PISD: variants seen among roughly 807,000 people sequenced by gnomAD.
PISD encodes phosphatidylserine decarboxylase.
PISD carries 31 observed loss-of-function variants against 43.5 expected under a neutral mutation model. That is an observed-to-expected ratio of 0.71 (90% CI 0.54 to 0.96). PISD has a LOEUF of 0.96. Among genes scored for constraint, PISD ranks in the 40% least tolerant of loss-of-function variants. The probability of loss-of-function intolerance (pLI) is 0.00; values close to 1 mark genes in which losing one functional copy is unlikely to be tolerated. For missense variants in PISD, 523 were observed against 548.4 expected (o/e 0.95, Z 0.46); for synonymous variants, 259 against 228.7 (o/e 1.13, Z -1.20).
At position 31,619,618 on chromosome 22, in the gene PISD, C is replaced by T. The variant is rs759165897; in HGVS notation, c.1224G>A (p.Ser408=). Residue 408 remains serine (S), a synonymous_variant, in exon 8 of 8, where the codon TCG becomes TCA. Coordinates refer to ENST00000439502, the MANE Select transcript of PISD (RefSeq NM_001326411.2). ...CATAATCAGGAAAGAGACTCTAGAG[C>T]GAGCCCAGGGCTTCCCCAAAGCGGA... The part of the protein sequence containing the change: ...QKIRFGEALG[S]L 9.3e-6 allele frequency: 15 copies of T among 1,612,706 alleles called. No homozygotes were observed. Among genetic ancestry groups the T allele is most frequent in the Middle Eastern group, 3.3e-4 (2 of 6,062 alleles).
At chr22:31,655,439 C>T (rs751594927) in intron 1 of PISD, among the ~76,000 whole-genome samples, 2 of 152,074 alleles carry the variant, frequency 1.3e-5, no homozygotes, top group South Asian at 2.1e-4. Context: ...CCTCAGCCTC[C>T]TGAGTAGCTA....
At chr22:31,656,306 T>C (rs529155215) in intron 1 of PISD, among the ~76,000 whole-genome samples, 1 of 151,906 alleles carries the variant, frequency 6.6e-6, no homozygotes, top group African/African-American at 2.4e-5. Flanking sequence ...ATCACACCAC[T>C]GCACTCCAGC....
At chr22:31,625,481 C>A in intron 3 of PISD, 1 of 558,820 alleles carries the variant, frequency 1.8e-6, no homozygotes, top group Admixed American at 3.1e-5. Flanking sequence ...GAGCAGGGGG[C>A]CTGGGAGCAC....
intron 3 of PISD, among the ~76,000 whole-genome samples, chr22:31,640,882 T>TTTTTTTTTTTTTG (rs1569488849): frequency 4.0e-5 from 2 of 50,130 alleles, no homozygotes; most frequent in East Asian, 7.6e-4. Flanking sequence ...CACCCGGTGT[T>TTTTTTTTTTTTTG]TTTTTTTTTT....
chr22:31,621,396 G>C lies in PISD; in HGVS notation c.635C>G (p.Thr212Ser), dbSNP rs1299255692. The C allele has an allele frequency of 6.2e-7, 1 of 1,614,098 alleles. No individual in the cohort carries two copies. Among genetic ancestry groups the C allele is most frequent in the South Asian group, 1.1e-5 (1 of 91,088 alleles). Residue 212 changes from threonine to serine, a missense_variant, in exon 5 of 8, where the codon ACC (threonine) becomes AGC (serine). By Grantham distance (58) the Thr-to-Ser change is moderately conservative. Transcript: ENST00000439502. ...GCCCAGGAACGACTCCAGGGAGTAGGTGACCCCCTTTACCTGCTCCACCTC... is the reference window on the plus strand; with the variant it reads ...GCCCAGGAACGACTCCAGGGAGTAGCTGACCCCCTTTACCTGCTCCACCTC... ...NCEVEQVKGV[T>S]YSLESFLGPR...
At position 31,619,722 on chromosome 22, in the gene PISD, ACTCGCCCAGGTG is replaced by A; in HGVS notation, c.1108_1119del (p.His370_Glu373del). 6.2e-7 allele frequency: 1 copy of A among 1,614,014 alleles called. No individual in the cohort carries two copies. Among genetic ancestry groups the A allele is most frequent in the Non-Finnish European group, 8.5e-7 (1 of 1,179,980 alleles). On this transcript the variant is annotated inframe_deletion, in exon 8 of 8. Transcript: ENST00000439502. ...AGCACGATGGTGGAGCCCAGGTTGA[ACTCGCCCAGGTG>A]CTCGCCCTTACGCATGGGGACGCCC...
intron 6 of PISD, 92 bp from the exon 7 acceptor site, chr22:31,620,805 G>T: frequency 6.6e-7 from 1 of 1,507,228 alleles, no homozygotes; most frequent in Non-Finnish European, 9.1e-7. Context: ...ATGGCCTGTT[G>T]CCCCGATGTC....
intron 3 of PISD, among the ~76,000 whole-genome samples, chr22:31,632,563 C>G (rs996010057): frequency 2.0e-4 from 30 of 152,112 alleles, no homozygotes; most frequent in African/African-American, 6.5e-4. Context: ...CCCTAGTTTC[C>G]TCCACATCCC....
intron 3 of PISD, among the ~76,000 whole-genome samples, chr22:31,624,129 G>T (rs1028992373): frequency 6.6e-6 from 1 of 152,146 alleles, no homozygotes; most frequent in Admixed American, 6.5e-5. Context: ...GGGGGCAGCC[G>T]CAAGAGGAGA....
intron 7 of PISD, 49 bp from the exon 8 acceptor site, chr22:31,619,885 A>C: frequency 8.1e-7 from 1 of 1,238,658 alleles, no homozygotes; most frequent in Non-Finnish European, 1.2e-6. Flanking sequence ...CCAAGTGCAC[A>C]GTGTCACCCC....
chr22:31,654,253 C>T (rs1335361595), intron 1 of PISD, among the ~76,000 whole-genome samples: 1 of 152,170 alleles, frequency 6.6e-6, no homozygotes, highest in African/African-American at 2.4e-5. Context: ...GCTTTTGGGA[C>T]CGTGATTTTT....
chr22:31,638,305 C>T, intron 3 of PISD: 1 of 905,928 alleles, frequency 1.1e-6, no homozygotes, highest in Non-Finnish European at 1.3e-6. Context: ...GCCCCACGTC[C>T]CTTCTGGAGA....
intron 3 of PISD, among the ~76,000 whole-genome samples, chr22:31,646,578 G>A (rs989346589): frequency 1.1e-4 from 17 of 152,180 alleles, no homozygotes; most frequent in African/African-American, 4.1e-4. Flanking sequence ...TGAAGTGTGT[G>A]GGAATTTCTT....
intron 1 of PISD, among the ~76,000 whole-genome samples, chr22:31,654,573 C>A (rs1169977736): frequency 6.6e-6 from 1 of 152,300 alleles, no homozygotes; most frequent in South Asian, 2.1e-4. Flanking sequence ...ATAGGAGAGA[C>A]TAGCCAGATG....
In PISD at chr22:31,662,199, A is replaced by C; in HGVS notation, c.10T>G (p.Ser4Ala). Residue 4 changes from serine (S) to alanine (A), a missense_variant, in exon 1 of 8, where the codon TCC (serine) becomes GCC (alanine). By Grantham distance (99) the Ser-to-Ala change is moderately conservative. Transcript: ENST00000439502. ...AATCCCAGACATCGGTGCCCCACGG[A>C]CGTCGCCATCTTGTCTGCTCCTTCT... is the stretch of plus-strand genomic sequence containing the variant. MAT[S>A]VGHRCLGLLH... 6.2e-7 allele frequency: 1 copy of C among 1,604,402 alleles called. No homozygotes were observed. The highest frequency in any genetic ancestry group is 1.1e-5 in the South Asian group (1 of 91,082).
At chr22:31,627,424 C>A (rs994692007) in intron 3 of PISD, among the ~76,000 whole-genome samples, 1 of 152,274 alleles carries the variant, frequency 6.6e-6, no homozygotes, top group African/African-American at 2.4e-5. Flanking sequence ...AGGGCCATGT[C>A]ACTCCAACCA....
chr22:31,658,004 T>C (rs571457802), intron 1 of PISD, among the ~76,000 whole-genome samples: 1 of 152,218 alleles, frequency 6.6e-6, no homozygotes, highest in Non-Finnish European at 1.5e-5. Context: ...TTCTTAATTA[T>C]CTTGCTTTCT....
At chr22:31,626,705 G>A (rs937120053) in intron 3 of PISD, among the ~76,000 whole-genome samples, 14 of 152,220 alleles carry the variant, frequency 9.2e-5, no homozygotes, top group Non-Finnish European at 5.9e-5. Context: ...GCCCCAGCCT[G>A]GCTATCTGGG....
chr22:31,661,148 C>G (rs1001618688), intron 1 of PISD, among the ~76,000 whole-genome samples: 3 of 152,168 alleles, frequency 2.0e-5, no homozygotes, highest in East Asian at 3.8e-4. Context: ...AATGCAGAGC[C>G]CTCTCCTGAG....
Sources: allele counts gnomAD v4.1 joint callset (sites outside exome capture counted in the v4.1 genomes callset), GRCh38; gene constraint gnomAD v4.1.1; transcripts MANE v1.5; gene names NCBI Gene and HGNC (gene_info 2026-07-23, HGNC 2026-07-21).